The following TMEM217 variants were observed in gnomAD, a reference collection of about 807,000 sequenced individuals.
The protein encoded by TMEM217 is transmembrane protein 217.
For synonymous variants in TMEM217, 76 were observed against 88.3 expected, an observed-to-expected ratio of 0.86 and a Z score of 0.78; for missense variants, 204 against 248.8, an observed-to-expected ratio of 0.82 and a Z score of 1.21.
chr6:37,236,414 G>T (rs1192084913), intron 1 of TMEM217, among the ~76,000 whole-genome samples: 4 of 152,054 alleles, frequency 2.6e-5, no homozygotes, highest in Non-Finnish European at 4.4e-5. Context: ...TATTTTTTTG[G>T]TGGTAGCATT....
At chr6:37,245,598 T>C (rs892790632) in intron 1 of TMEM217, among the ~76,000 whole-genome samples, 1 of 152,108 alleles carries the variant, frequency 6.6e-6, no homozygotes, top group Non-Finnish European at 1.5e-5. Context: ...ATGAGTTTCA[T>C]AGAGTGGGAA....
At chr6:37,227,189 C>T (rs1763887265) in intron 1 of TMEM217, among the ~76,000 whole-genome samples, 1 of 152,202 alleles carries the variant, frequency 6.6e-6, no homozygotes, top group Non-Finnish European at 1.5e-5. Flanking sequence ...CTCCATCCAT[C>T]CCCTAGTTTC....
chr6:37,215,153 C>A, downstream of TMEM217: 1 of 1,603,178 alleles, frequency 6.2e-7, no homozygotes, highest in South Asian at 1.1e-5. Context: ...CCCTTTCTGC[C>A]GCTAGCCAAG....
intron 1 of TMEM217, among the ~76,000 whole-genome samples, chr6:37,219,732 C>CA (rs112197817): frequency 0.013 from 1,946 of 145,484 alleles, 30 homozygotes; most frequent in Middle Eastern, 0.069. Flanking sequence ...ACCCTATATC[C>CA]AAAAAAAAAA....
At chr6:37,215,394 G>T (rs1249230046), downstream of TMEM217, 1 of 1,282,428 alleles carries the variant, frequency 7.8e-7, no homozygotes, top group Non-Finnish European at 1.0e-6. Flanking sequence ...AGCCAACATG[G>T]TGAAACCCCA....
At chr6:37,249,405 CACT>C (rs1765272090) in intron 1 of TMEM217, among the ~76,000 whole-genome samples, 1 of 152,110 alleles carries the variant, frequency 6.6e-6, no homozygotes, top group African/African-American at 2.4e-5. Context: ...CTGCAACCTC[CACT>C]TTCCAGGTTC....
At chr6:37,231,226 A>ATTTT (rs35394043) in intron 1 of TMEM217, among the ~76,000 whole-genome samples, 11 of 87,444 alleles carry the variant, frequency 1.3e-4, no homozygotes, top group East Asian at 3.9e-4. Flanking sequence ...TGCCTGGCTA[A>ATTTT]TTTTTTTTTT....
intron 1 of TMEM217, among the ~76,000 whole-genome samples, chr6:37,254,028 C>T (rs1332366300): frequency 6.6e-6 from 1 of 152,170 alleles, no homozygotes; most frequent in East Asian, 1.9e-4. Flanking sequence ...GCAGAAGCCT[C>T]TACTTACAGT....
At chr6:37,215,570 C>CG (rs1763146807), downstream of TMEM217, among the ~76,000 whole-genome samples, 5 of 72,368 alleles carry the variant, frequency 6.9e-5, no homozygotes, top group Middle Eastern at 0.014. Flanking sequence ...GACTCTGTCT[C>CG]AAAAAAAAAA....
At chr6:37,244,252 A>T (rs1764943125) in intron 1 of TMEM217, among the ~76,000 whole-genome samples, 1 of 152,222 alleles carries the variant, frequency 6.6e-6, no homozygotes, top group Non-Finnish European at 1.5e-5. Flanking sequence ...GAACAAGGAG[A>T]ATCTGGAGGT....
chr6:37,213,485 C>A (rs1397015328), downstream of TMEM217, among the ~76,000 whole-genome samples: 1 of 152,252 alleles, frequency 6.6e-6, no homozygotes, highest in African/African-American at 2.4e-5. Context: ...CTGATTTGCT[C>A]CCTGGGCATG....
intron 1 of TMEM217, among the ~76,000 whole-genome samples, chr6:37,251,637 A>G (rs1765405930): frequency 6.6e-6 from 1 of 152,252 alleles, no homozygotes; most frequent in African/African-American, 2.4e-5. Flanking sequence ...ATACACACAT[A>G]TGTAATAAAA....
chr6:37,243,887 G>A (rs183709587), intron 1 of TMEM217, among the ~76,000 whole-genome samples: 125 of 152,270 alleles, frequency 8.2e-4, no homozygotes, highest in Middle Eastern at 6.8e-3. Context: ...TGGATGGGGG[G>A]GTGCACAGGA....
At chr6:37,224,536 T>C (rs930950115) in intron 1 of TMEM217, among the ~76,000 whole-genome samples, 5 of 151,658 alleles carry the variant, frequency 3.3e-5, no homozygotes, top group Non-Finnish European at 2.9e-5. Flanking sequence ...AGGCAGAGCT[T>C]GCAGTGAGCC....
intron 1 of TMEM217, among the ~76,000 whole-genome samples, chr6:37,253,254 T>C (rs1396012334): frequency 6.6e-6 from 1 of 152,214 alleles, no homozygotes; most frequent in Non-Finnish European, 1.5e-5. Flanking sequence ...CATGTTTAAA[T>C]CTTCATATTC....
At chr6:37,225,450 G>A (rs1763772207) in intron 1 of TMEM217, among the ~76,000 whole-genome samples, 1 of 151,996 alleles carries the variant, frequency 6.6e-6, no homozygotes, top group South Asian at 2.1e-4. Context: ...CTATGACCTA[G>A]GATTATGAAT....
intron 1 of TMEM217, among the ~76,000 whole-genome samples, chr6:37,228,595 T>C (rs529139788): frequency 9.9e-5 from 15 of 152,132 alleles, no homozygotes; most frequent in African/African-American, 3.6e-4. Context: ...TCCCAGATAC[T>C]CGGGAGGCTG....
intron 1 of TMEM217, among the ~76,000 whole-genome samples, chr6:37,243,799 T>C (rs1361912457): frequency 1.3e-5 from 2 of 152,078 alleles, no homozygotes; most frequent in African/African-American, 4.8e-5. Flanking sequence ...AGCAGAGGAC[T>C]AGGGAATGGG....
At chr6:37,229,839 G>C (rs1764095101) in intron 1 of TMEM217, among the ~76,000 whole-genome samples, 1 of 152,112 alleles carries the variant, frequency 6.6e-6, no homozygotes, top group South Asian at 2.1e-4. Context: ...AGTTATAATA[G>C]TATCTCAGTT....
Sources: gnomAD v4.1 joint callset for allele counts (sites outside exome capture counted in the v4.1 genomes callset) on GRCh38, gnomAD v4.1.1 for gene constraint, MANE v1.5 for transcripts, NCBI Gene and HGNC (gene_info 2026-07-23, HGNC 2026-07-21) for gene names.